Variants in FRMD5 observed in about 807,000 individuals in gnomAD.
FRMD5 encodes the protein FERM domain-containing protein 5.
In FRMD5, 20 loss-of-function variants were observed where a neutral mutation model predicts 69.0. The observed-to-expected ratio is 0.29, with a 90% CI of 0.20 to 0.42. The LOEUF is 0.42. FRMD5 is among the 10% of genes least tolerant of loss of function. The pLI, the probability that FRMD5 is intolerant of heterozygous loss-of-function variation, is 1.00. For synonymous variants in FRMD5, 271 were observed against 260.1 expected (o/e 1.04, Z -0.40); for missense variants, 595 against 708.6 (o/e 0.84, Z 1.82).
chr15:43,931,559 T>G (rs536841533), intron 1 of FRMD5, among the ~76,000 whole-genome samples: 1 of 152,294 alleles, frequency 6.6e-6, no homozygotes, highest in South Asian at 2.1e-4. Flanking sequence ...TAAGGACAGT[T>G]TGACAACTCA....
intron 1 of FRMD5, among the ~76,000 whole-genome samples, chr15:44,099,635 C>A (rs139745942): frequency 6.6e-6 from 1 of 152,270 alleles, no homozygotes; most frequent in Non-Finnish European, 1.5e-5. Context: ...GCTTGGCATC[C>A]TGACTCCCTC....
chr15:43,964,500 C>CAAAAA (rs59698503), intron 1 of FRMD5, among the ~76,000 whole-genome samples: 1 of 129,682 alleles, frequency 7.7e-6, no homozygotes, highest in African/African-American at 2.9e-5. Context: ...AACAAACAAA[C>CAAAAA]AAAAAAAAAA....
At chr15:43,933,509 G>T (rs915901501) in intron 1 of FRMD5, among the ~76,000 whole-genome samples, 2 of 152,126 alleles carry the variant, frequency 1.3e-5, no homozygotes, top group African/African-American at 4.8e-5. Flanking sequence ...GCTGGTCTGG[G>T]GATTACTGGC....
chr15:43,900,618 G>GT (rs200956036), intron 7 of FRMD5, among the ~76,000 whole-genome samples: 5,641 of 146,084 alleles, frequency 0.039, 415 homozygotes, highest in African/African-American at 0.13. Context: ...ATTCATTCCT[G>GT]GTTTTTTTTT....
At chr15:44,103,876 A>C (rs2076675645) in intron 1 of FRMD5, among the ~76,000 whole-genome samples, 1 of 152,238 alleles carries the variant, frequency 6.6e-6, no homozygotes, top group Non-Finnish European at 1.5e-5. Context: ...TGTCATAGCC[A>C]TCATAATGTA....
At chr15:43,961,522 G>GAA (rs1230737420) in intron 1 of FRMD5, among the ~76,000 whole-genome samples, 1 of 152,112 alleles carries the variant, frequency 6.6e-6, no homozygotes, top group Non-Finnish European at 1.5e-5. Context: ...CCAATCAATA[G>GAA]AAAAAGAGGG....
At chr15:43,876,239 C>T (rs554735603) in intron 13 of FRMD5, 68 of 1,554,742 alleles carry the variant, frequency 4.4e-5, no homozygotes, top group South Asian at 2.0e-4. Flanking sequence ...TTCCTTTGGG[C>T]GGCATCTTGG....
chr15:44,139,144 T>G (rs2077229345), intron 1 of FRMD5, among the ~76,000 whole-genome samples: 1 of 152,266 alleles, frequency 6.6e-6, no homozygotes, highest in Middle Eastern at 3.4e-3. Context: ...TAAAGCCATT[T>G]TAAAAAGCGG....
chr15:44,139,727 C>CAAA (rs71111842), intron 1 of FRMD5, among the ~76,000 whole-genome samples: 1,236 of 72,116 alleles, frequency 0.017, 10 homozygotes, highest in Middle Eastern at 0.031. Flanking sequence ...CCAGTCTCTA[C>CAAA]AAAAAAAAAA....
chr15:43,918,803 A>C (rs761064609), intron 4 of FRMD5, among the ~76,000 whole-genome samples: 1 of 152,258 alleles, frequency 6.6e-6, no homozygotes, highest in Non-Finnish European at 1.5e-5. Flanking sequence ...AATTTCGCTC[A>C]GATACACAAA....
At chr15:43,891,933 C>T (rs1158896246) in intron 8 of FRMD5, 48 bp downstream of exon 8, 2 of 1,509,614 alleles carry the variant, frequency 1.3e-6, no homozygotes, top group East Asian at 2.3e-5. Flanking sequence ...TCGCCCCTCC[C>T]CAGTTGGTGA....
intron 1 of FRMD5, among the ~76,000 whole-genome samples, chr15:43,926,789 T>C (rs996997466): frequency 6.6e-6 from 1 of 151,072 alleles, no homozygotes; most frequent in Non-Finnish European, 1.5e-5. Context: ...CTAGAGGCTA[T>C]GGGCTGATAA....
chr15:44,152,165 C>T (rs1053046825), intron 1 of FRMD5, among the ~76,000 whole-genome samples: 4 of 152,072 alleles, frequency 2.6e-5, no homozygotes, highest in Non-Finnish European at 4.4e-5. Context: ...GCTGAGATTG[C>T]GCCACTGTAC....
At chr15:43,954,103 C>T (rs892717373) in intron 1 of FRMD5, among the ~76,000 whole-genome samples, 2 of 152,154 alleles carry the variant, frequency 1.3e-5, no homozygotes, top group Non-Finnish European at 2.9e-5. Context: ...AGCTACCTGG[C>T]CAAGCCCTGT....
intron 1 of FRMD5, among the ~76,000 whole-genome samples, chr15:44,000,753 C>T (rs1890175647): frequency 6.6e-6 from 1 of 152,156 alleles, no homozygotes; most frequent in African/African-American, 2.4e-5. Context: ...ATCCACTGTA[C>T]CCTGTGGTAG....
At chr15:43,941,513 T>C (rs1410382873) in intron 1 of FRMD5, among the ~76,000 whole-genome samples, 1 of 152,238 alleles carries the variant, frequency 6.6e-6, no homozygotes, top group East Asian at 1.9e-4. Context: ...TATCTGCTTC[T>C]CAATATGTTG....
At chr15:43,933,012 G>A (rs2089701642) in intron 1 of FRMD5, among the ~76,000 whole-genome samples, 1 of 152,142 alleles carries the variant, frequency 6.6e-6, no homozygotes, top group Non-Finnish European at 1.5e-5. Flanking sequence ...CTTGATCTGT[G>A]GTCCCACTAG....
At chr15:43,898,766 T>G (rs2140390801) in intron 7 of FRMD5, among the ~76,000 whole-genome samples, 1 of 152,258 alleles carries the variant, frequency 6.6e-6, no homozygotes, top group African/African-American at 2.4e-5. Flanking sequence ...CTGCTGGGGC[T>G]CCCGCCAGGA....
intron 1 of FRMD5, 47 bp downstream of exon 1, chr15:44,194,906 G>T: frequency 6.8e-7 from 1 of 1,460,762 alleles, no homozygotes. Context: ...ACCAGACTTG[G>T]GGGACAAGGG....
Sources: allele counts gnomAD v4.1 joint callset (sites outside exome capture counted in the v4.1 genomes callset), GRCh38; gene constraint gnomAD v4.1.1; transcripts MANE v1.5; gene names NCBI Gene and HGNC (gene_info 2026-07-23, HGNC 2026-07-21).